The following STARD3 variants were observed in gnomAD, a reference collection of about 807,000 sequenced individuals.
STARD3 encodes StAR related lipid transfer domain containing 3, also known as stAR-related lipid transfer protein 3.
A neutral mutation model predicts 62.0 loss-of-function variants in STARD3; 39 were observed. The observed-to-expected ratio is 0.63, with a 90% CI of 0.49 to 0.82. STARD3 has a LOEUF of 0.82. STARD3 is among the 40% of genes least tolerant of loss of function. The pLI, the probability that STARD3 is intolerant of heterozygous loss-of-function variation, is 0.00. For missense variants in STARD3, 543 were observed against 584.5 expected (o/e 0.93, Z 0.73); for synonymous variants, 229 against 242.4 (o/e 0.94, Z 0.51).
At chr17:39,658,122 T>C (rs1467603910) in intron 5 of STARD3, 96 bp downstream of exon 5, 1 of 1,365,868 alleles carries the variant, frequency 7.3e-7, no homozygotes, top group South Asian at 1.2e-5. Context: ...TGTCTGTCCC[T>C]GTTGTCCGGG....
intron 1 of STARD3, among the ~76,000 whole-genome samples, chr17:39,643,544 G>A (rs1311734418): frequency 6.6e-6 from 1 of 152,166 alleles, no homozygotes; most frequent in African/African-American, 2.4e-5. Context: ...TCTGGATGCA[G>A]TGCAACCTGT....
intron 13 of STARD3, among the ~76,000 whole-genome samples, chr17:39,661,708 C>T (rs1007100691): frequency 1.3e-5 from 2 of 152,210 alleles, no homozygotes; most frequent in Non-Finnish European, 2.9e-5. Context: ...CCAGGCTCTG[C>T]TTTGGGCACT....
chr17:39,639,300 T>C (rs905899672), intron 1 of STARD3, among the ~76,000 whole-genome samples: 6 of 152,038 alleles, frequency 3.9e-5, no homozygotes, highest in Non-Finnish European at 8.8e-5. Flanking sequence ...ATTTATTGAG[T>C]GAAGATTCAA....
chr17:39,656,417 G>T (rs1414732450), intron 2 of STARD3, among the ~76,000 whole-genome samples: 1 of 152,170 alleles, frequency 6.6e-6, no homozygotes, highest in Non-Finnish European at 1.5e-5. Flanking sequence ...AAGGCCTCAG[G>T]GGTCCTGGTG....
chr17:39,644,715 C>T (rs68087665), intron 1 of STARD3, among the ~76,000 whole-genome samples: 8,437 of 150,920 alleles, frequency 0.056, 631 homozygotes, highest in African/African-American at 0.17. Flanking sequence ...GAAAAATTAG[C>T]CTGGCATGGT....
chr17:39,648,842 T>G (rs2057051249), intron 1 of STARD3, among the ~76,000 whole-genome samples: 1 of 152,226 alleles, frequency 6.6e-6, no homozygotes, highest in South Asian at 2.1e-4. Flanking sequence ...TCTGGGCATG[T>G]GAGTGTCAGT....
At position 39,660,257 on chromosome 17, in the gene STARD3, A is replaced by G. The variant is rs772356642; in HGVS notation, c.842A>G (p.Lys281Arg). The change falls in exon 10 of 15, where the codon AAG (lysine) becomes AGG (arginine). Residue 281 changes from lysine to arginine, a missense_variant. By Grantham distance (26) the Lys-to-Arg change is conservative (BLOSUM62 2). Coordinates refer to ENST00000336308, the MANE Select transcript of STARD3 (RefSeq NM_006804.4). The surrounding 1 kb of genome is among the most constrained non-coding windows in gnomAD (Gnocchi z 4.8). Reference protein sequence around the residue: ...VYTIEVPFHGKTFILKTFLPC... With the variant: ...VYTIEVPFHGRTFILKTFLPC... ...ACCATTGAAGTTCCCTTTCACGGCAAGACGTTTATCCTGAAGGTGAGTGAG... is the reference window on the plus strand; with the variant it reads ...ACCATTGAAGTTCCCTTTCACGGCAGGACGTTTATCCTGAAGGTGAGTGAG... The G allele has an allele frequency of 1.9e-6, 3 of 1,614,096 alleles. No individual in the cohort carries two copies. The highest frequency in any genetic ancestry group is 2.5e-6 in the Non-Finnish European group (3 of 1,180,036).
At chr17:39,659,769 C>T (rs2057174980) in intron 9 of STARD3, 2 of 480,114 alleles carry the variant, frequency 4.2e-6, no homozygotes, top group Non-Finnish European at 7.4e-6. Context: ...CCCATGTTTA[C>T]TTCCCTGCTG....
chr17:39,659,370 G>T (rs73296106), intron 8 of STARD3, 91 bp from the exon 9 acceptor site: 3 of 1,306,092 alleles, frequency 2.3e-6, no homozygotes, highest in East Asian at 2.3e-5. Context: ...CCTCTGGGAA[G>T]CATGTGGTAT....
chr17:39,654,056 C>T lies in STARD3; in HGVS notation c.219+306C>T, dbSNP rs113404052. Reference sequence around the variant, plus strand: ...CATACTGCCCCCTAGTGGAGGCTCCCGAGAGAGGAGGAGGGGGAGACCCAG... The same window carrying T: ...CATACTGCCCCCTAGTGGAGGCTCCTGAGAGAGGAGGAGGGGGAGACCCAG... On this transcript the variant is annotated intron_variant, in intron 2 of 14. Transcript: ENST00000336308. Among the ~76,000 whole-genome samples, 15 of 152,268 alleles carry T rather than the reference C, an allele frequency of 9.9e-5. 1 individual carries two copies. The highest frequency in any genetic ancestry group is 6.2e-4 in the South Asian group (3 of 4,832).
chr17:39,662,413 T>C, intron 14 of STARD3, 69 bp downstream of exon 14: 1 of 1,465,798 alleles, frequency 6.8e-7, no homozygotes, highest in Middle Eastern at 1.7e-4. Context: ...ACTTGGTTGC[T>C]GCATGACTTT....
At position 39,659,490 on chromosome 17, in the gene STARD3, G is replaced by A. The variant is rs747960154; in HGVS notation, c.732G>A (p.Glu244=). Residue 244 remains glutamate, a synonymous_variant, in exon 9 of 15, where the codon GAG becomes GAA. Transcript: ENST00000336308. ...GGGAGTACATCCGCCAGGGGAAGGA[G>A]GCCACGGCAGTGGTGGACCAGATCT... The part of the protein sequence containing the change: ...QEREYIRQGK[E]ATAVVDQILA... 2.5e-6 allele frequency: 4 copies of A among 1,614,022 alleles called. No homozygotes were observed. The Admixed American group carries it at 6.7e-5, about 27-fold the overall frequency.
At position 39,660,586 on chromosome 17, in the gene STARD3, G is replaced by A; in HGVS notation, c.954+60G>A. ...TGGGGGCACAGCCACGCCTCAGTGG[G>A]ATCACTGAAGCACTCAGCGCCTCAG... is the stretch of plus-strand genomic sequence containing the variant. On this transcript the variant is annotated intron_variant, in intron 11 of 14. Transcript: ENST00000336308. The surrounding 1 kb of genome is among the most constrained non-coding windows in gnomAD (Gnocchi z 4.8). The A allele has an allele frequency of 1.3e-6, 2 of 1,545,996 alleles. No homozygotes were observed. Among genetic ancestry groups the A allele is most frequent in the Non-Finnish European group, 1.8e-6 (2 of 1,119,436 alleles).
chr17:39,653,841 C>A, intron 2 of STARD3, 91 bp downstream of exon 2: 1 of 1,476,338 alleles, frequency 6.8e-7, no homozygotes. Flanking sequence ...CTGCCTCTCC[C>A]CTGGGGTTGG....
chr17:39,659,542 G>A lies in STARD3; in HGVS notation c.784G>A (p.Glu262Lys). Residue 262 changes from glutamate to lysine, a missense_variant, in exon 9 of 15, where the codon GAG (glutamate) becomes AAG (lysine). Transcript: ENST00000336308. Reference protein sequence around the residue: ...ILAQEENWKFEKNNEYGDTVY... With the variant: ...ILAQEENWKFKKNNEYGDTVY... ...GGCCCAGGAAGAGAACTGGAAGTTT[G>A]AGAAGAATAATGTAAGAAGCCCTCT... 4 of 1,614,124 alleles carry A rather than the reference G, an allele frequency of 2.5e-6. No individual in the cohort carries two copies. The highest frequency in any genetic ancestry group is 3.4e-6 in the Non-Finnish European group (4 of 1,179,994).
At chr17:39,641,243 G>A (rs1482995937) in intron 1 of STARD3, among the ~76,000 whole-genome samples, 6 of 152,142 alleles carry the variant, frequency 3.9e-5, no homozygotes, top group African/African-American at 1.2e-4. Flanking sequence ...ATGTACCGTG[G>A]CCAGGCACTG....
intron 9 of STARD3, 141 bp downstream of exon 9, chr17:39,659,694 TC>T (rs1289540421): frequency 1.1e-6 from 1 of 876,100 alleles, no homozygotes. Flanking sequence ...GGCCCTCGGG[TC>T]GGCAGGAGGC....
intron 1 of STARD3, among the ~76,000 whole-genome samples, chr17:39,651,191 C>T (rs534408927): frequency 6.6e-6 from 1 of 152,336 alleles, no homozygotes; most frequent in East Asian, 1.9e-4. Flanking sequence ...CTCACCTGCC[C>T]TCCGACTCTG....
chr17:39,649,479 A>G (rs945834654), intron 1 of STARD3, among the ~76,000 whole-genome samples: 6 of 152,256 alleles, frequency 3.9e-5, no homozygotes, highest in East Asian at 1.9e-4. Flanking sequence ...TAAAACTGAC[A>G]TGGAGTGCTC....
Sources: gnomAD v4.1 joint callset for allele counts (sites outside exome capture counted in the v4.1 genomes callset) on GRCh38, gnomAD v4.1.1 for gene constraint, Gnocchi (gnomAD v3.1) non-coding constraint, MANE v1.5 for transcripts, NCBI Gene and HGNC (gene_info 2026-07-23, HGNC 2026-07-21) for gene names.